Variants in ZNF565 observed in about 807,000 individuals in gnomAD.
ZNF565 encodes zinc finger protein 565.
In ZNF565, 27 loss-of-function variants were observed where a neutral mutation model predicts 39.4. That is an observed-to-expected ratio of 0.69 (90% CI 0.51 to 0.95). The LOEUF is 0.95. Among genes scored for constraint, ZNF565 ranks in the 40% least tolerant of loss-of-function variants. The pLI, the probability that ZNF565 is intolerant of heterozygous loss-of-function variation, is 0.00. For missense variants in ZNF565, 524 were observed against 621.1 expected (o/e 0.84, Z 1.66); for synonymous variants, 185 against 216.6 (o/e 0.85, Z 1.28).
Position 36,204,860 on chromosome 19 carries a change from C to T in ZNF565, c.-65-2810G>A, listed in dbSNP as rs554710875. On this transcript the variant is annotated intron_variant, in intron 1 of 4. Coordinates refer to ENST00000304116, the MANE Select transcript of ZNF565 (RefSeq NM_152477.5). Reference sequence around the variant, plus strand: ...CAAAAATTAGCCAGGCACGGTGGTGCGTGCCGGTATCCAGCTACTTGGGAG... The same window carrying T: ...CAAAAATTAGCCAGGCACGGTGGTGTGTGCCGGTATCCAGCTACTTGGGAG... Among the ~76,000 whole-genome samples the T allele has an allele frequency of 9.2e-5, 14 of 151,820 alleles. No homozygotes were observed. In the East Asian group the frequency reaches 2.7e-3, roughly 30 times the overall value.
At chr19:36,193,663 G>A (rs927713932) in intron 4 of ZNF565, among the ~76,000 whole-genome samples, 1 of 151,962 alleles carries the variant, frequency 6.6e-6, no homozygotes, top group Non-Finnish European at 1.5e-5. Flanking sequence ...GGATGGTCTC[G>A]ATCTCCTCAC....
chr19:36,224,850 A>G (rs1977002282), intron 1 of ZNF565, among the ~76,000 whole-genome samples: 1 of 152,020 alleles, frequency 6.6e-6, no homozygotes, highest in African/African-American at 2.4e-5. Flanking sequence ...AATTTTTTTC[A>G]TACAGGTTTG....
intron 1 of ZNF565, among the ~76,000 whole-genome samples, chr19:36,224,801 G>T (rs1343454550): frequency 6.6e-6 from 1 of 152,040 alleles, no homozygotes; most frequent in Non-Finnish European, 1.5e-5. Context: ...TACGTGATAC[G>T]TATTCTCGTT....
In ZNF565 at chr19:36,182,723, C is replaced by G; in HGVS notation, c.1243G>C (p.Gly415Arg). Residue 415 changes from glycine (G) to arginine (R), a missense_variant, in exon 5 of 5, where the codon GGT becomes CGT. Gly to Arg is a moderately radical substitution (Grantham distance 125). Transcript: ENST00000304116. The stretch of plus-strand genomic sequence containing the variant: ...TCCTTACATTCGTAGGGTTTGTCAC[C>G]TGTATGAATTCTTTGATGTTGAATG... Reference protein sequence around the residue: ...YLIQHQRIHTGDKPYECKECG... With the variant: ...YLIQHQRIHTRDKPYECKECG... The G allele has an allele frequency of 1.2e-6, 2 of 1,614,146 alleles. No homozygotes were observed. Among genetic ancestry groups the G allele is most frequent in the Non-Finnish European group, 1.7e-6 (2 of 1,180,022 alleles).
Position 36,182,408 on chromosome 19 carries a change from T to C in ZNF565, c.*58A>G. 1 of 1,466,630 alleles carries C rather than the reference T, an allele frequency of 6.8e-7. No individual in the cohort carries two copies. The highest frequency in any genetic ancestry group is 9.1e-7 in the Non-Finnish European group (1 of 1,095,462). The allele number at this position is 1,466,630 out of a possible 1,614,324, so 90.9% of individuals were successfully genotyped here. On this transcript the variant is annotated 3_prime_UTR_variant, in exon 5 of 5. Transcript: ENST00000304116. ...CACTACATTAAAAATTACCTAGTAC[T>C]GAGCCAGATGTGAACTCCACATAAA...
chr19:36,216,342 T>C (rs1439618877), upstream of ZNF565, among the ~76,000 whole-genome samples: 3 of 152,126 alleles, frequency 2.0e-5, no homozygotes, highest in Non-Finnish European at 4.4e-5. Context: ...GTGAATGTAT[T>C]AATTTACTGT....
At chr19:36,217,716 C>T (rs985615768), upstream of ZNF565, among the ~76,000 whole-genome samples, 36 of 151,954 alleles carry the variant, frequency 2.4e-4, no homozygotes, top group Admixed American at 2.0e-3. Flanking sequence ...GAAACCCCGT[C>T]TCTACTAAAA....
chr19:36,227,453 A>G (rs1485791999), intron 1 of ZNF565, among the ~76,000 whole-genome samples: 2 of 150,560 alleles, frequency 1.3e-5, no homozygotes, highest in Non-Finnish European at 3.0e-5. Flanking sequence ...AGGCATGATC[A>G]TGTATTTGCA....
intron 1 of ZNF565, chr19:36,236,871 C>G (rs1977662224): frequency 6.2e-7 from 1 of 1,614,028 alleles, no homozygotes; most frequent in South Asian, 1.1e-5. Flanking sequence ...TCCAACCTTA[C>G]TGAGCATGAG....
chr19:36,236,578 T>C, intron 1 of ZNF565: 1 of 1,614,180 alleles, frequency 6.2e-7, no homozygotes, highest in Non-Finnish European at 8.5e-7. Context: ...CTTTTGAATG[T>C]AACGAGTGTG....
chr19:36,227,059 G>A (rs2310856), intron 1 of ZNF565, among the ~76,000 whole-genome samples: 52,585 of 151,138 alleles, frequency 0.35, 9,545 homozygotes, highest in South Asian at 0.48. Context: ...CTCCAGCCTG[G>A]GCAACAAGAG....
At chr19:36,184,349 T>A (rs1375148533) in intron 4 of ZNF565, among the ~76,000 whole-genome samples, 1 of 151,786 alleles carries the variant, frequency 6.6e-6, no homozygotes, top group African/African-American at 2.4e-5. Context: ...TCACGCAACC[T>A]CCGCCTCTTG....
chr19:36,240,597 GGT>G (rs1977781315), intron 1 of ZNF565, among the ~76,000 whole-genome samples: 1 of 152,178 alleles, frequency 6.6e-6, no homozygotes, highest in Non-Finnish European at 1.5e-5. Context: ...GGCTGGTCGT[GGT>G]GGCTCACACC....
intron 2 of ZNF565, among the ~76,000 whole-genome samples, chr19:36,197,487 A>G (rs1975808030): frequency 6.6e-6 from 1 of 152,088 alleles, no homozygotes; most frequent in Non-Finnish European, 1.5e-5. Context: ...CAATATAAAT[A>G]AATAAATAAG....
At chr19:36,239,377 T>C (rs535281510) in intron 1 of ZNF565, among the ~76,000 whole-genome samples, 1 of 151,408 alleles carries the variant, frequency 6.6e-6, no homozygotes, top group Admixed American at 6.6e-5. Context: ...CAGAATACCA[T>C]GGCAGGATCT....
chr19:36,232,064 G>A (rs10415410), intron 1 of ZNF565, among the ~76,000 whole-genome samples: 39,293 of 151,632 alleles, frequency 0.26, 5,490 homozygotes, highest in African/African-American at 0.37. Flanking sequence ...CTAGCTGGGC[G>A]TGGTGATGCA....
At chr19:36,217,761 G>A (rs1976671956), upstream of ZNF565, among the ~76,000 whole-genome samples, 1 of 151,926 alleles carries the variant, frequency 6.6e-6, no homozygotes, top group Non-Finnish European at 1.5e-5. Context: ...GCACATGCCT[G>A]TTAATCCCAG....
intron 1 of ZNF565, among the ~76,000 whole-genome samples, chr19:36,226,908 A>G (rs1053747125): frequency 2.1e-4 from 32 of 151,520 alleles, no homozygotes; most frequent in African/African-American, 7.0e-4. Context: ...ACACAGAGAA[A>G]CTCCGTCTCT....
At chr19:36,238,442 A>C (rs2145475835) in intron 1 of ZNF565, 1 of 167,222 alleles carries the variant, frequency 6.0e-6, no homozygotes, top group Non-Finnish European at 1.5e-5. Flanking sequence ...AGGGGACTTC[A>C]GCTTTTTATA....
Sources: gnomAD v4.1 joint callset for allele counts (sites outside exome capture counted in the v4.1 genomes callset) on GRCh38, gnomAD v4.1.1 for gene constraint, MANE v1.5 for transcripts, NCBI Gene and HGNC (gene_info 2026-07-23, HGNC 2026-07-21) for gene names.